The following PHIP variants were observed in gnomAD, a reference collection of about 807,000 sequenced individuals.
The protein encoded by PHIP is PH-interacting protein.
In PHIP, 54 loss-of-function variants were observed where a neutral mutation model predicts 236.8. The ratio of observed to expected loss-of-function variants is 0.23; its 90% confidence interval spans 0.18 to 0.29. The LOEUF is 0.29. PHIP is among the 10% of genes least tolerant of loss of function. The pLI is 1.00. For missense variants in PHIP, 1,370 were observed against 2,190.8 expected (o/e 0.63, Z 7.48); for synonymous variants, 756 against 718.9 (o/e 1.05, Z -0.83).
intron 15 of PHIP, among the ~76,000 whole-genome samples, chr6:79,013,940 A>T (rs1326002768): frequency 6.6e-6 from 1 of 151,598 alleles, no homozygotes; most frequent in Non-Finnish European, 1.5e-5. Flanking sequence ...AAAGCAGAAA[A>T]TATTTTTTAC....
intron 38 of PHIP, 135 bp downstream of exon 38, chr6:78,945,866 A>G (rs931540590): frequency 2.9e-6 from 2 of 681,794 alleles, no homozygotes; most frequent in African/African-American, 3.6e-5. Context: ...TTTTTAAAAT[A>G]GGAAATTAAT....
At chr6:78,979,494 G>A (rs1768360594) in intron 23 of PHIP, among the ~76,000 whole-genome samples, 1 of 151,902 alleles carries the variant, frequency 6.6e-6, no homozygotes, top group African/African-American at 2.4e-5. Flanking sequence ...GTTGAGTAGT[G>A]CAACATGTAG....
At chr6:78,987,671 G>A (rs1036794397) in intron 21 of PHIP, among the ~76,000 whole-genome samples, 7 of 152,088 alleles carry the variant, frequency 4.6e-5, no homozygotes. Context: ...GTTTATGATT[G>A]CAAATTGATT....
chr6:78,950,049 C>T (rs996497586), intron 35 of PHIP, among the ~76,000 whole-genome samples: 13 of 151,964 alleles, frequency 8.6e-5, no homozygotes, highest in East Asian at 3.8e-4. Context: ...CTCCTGTGAC[C>T]GCACTGACTT....
chr6:78,999,557 T>C (rs1346330138), intron 17 of PHIP, among the ~76,000 whole-genome samples: 2 of 152,106 alleles, frequency 1.3e-5, no homozygotes, highest in African/African-American at 4.8e-5. Context: ...TTAAAAAATA[T>C]TCACTCTTGC....
chr6:78,963,074 T>C (rs1766891805), intron 30 of PHIP, 23 bp downstream of exon 30: 3 of 1,555,088 alleles, frequency 1.9e-6, no homozygotes, highest in Non-Finnish European at 2.6e-6. Flanking sequence ...GTTTTTTCTA[T>C]ACTCGCGTGT....
At chr6:79,005,434 G>C (rs1770235644) in intron 15 of PHIP, among the ~76,000 whole-genome samples, 1 of 151,064 alleles carries the variant, frequency 6.6e-6, no homozygotes, top group Non-Finnish European at 1.5e-5. Flanking sequence ...TGTTTTCCTA[G>C]GCAAATAAAA....
intron 16 of PHIP, among the ~76,000 whole-genome samples, chr6:79,002,448 C>T (rs941017236): frequency 1.3e-5 from 2 of 151,964 alleles, no homozygotes; most frequent in African/African-American, 4.8e-5. Context: ...AATGCTGTTC[C>T]AGAAATAAAC....
In PHIP at chr6:78,969,111, C is replaced by T. The variant is rs1582129931; in HGVS notation, c.3205+724G>A. On this transcript the variant is annotated intron_variant, in intron 27 of 39. Transcript: ENST00000275034. ...AAATGGAACATGAGATGTAAATTTT[C>T]TTTCTAACTTCCATGTCCATAATTT... Among the ~76,000 whole-genome samples, 3 of 152,212 alleles carry T rather than the reference C, an allele frequency of 2.0e-5. No homozygotes were observed. In the East Asian group the frequency reaches 5.8e-4, roughly 29 times the overall value.
At chr6:79,061,514 T>C (rs908861807) in intron 4 of PHIP, among the ~76,000 whole-genome samples, 1 of 152,150 alleles carries the variant, frequency 6.6e-6, no homozygotes, top group Non-Finnish European at 1.5e-5. Context: ...GTCTCCTCTA[T>C]TAAGCCAGAT....
chr6:78,983,049 A>C lies in PHIP; in HGVS notation c.2606T>G (p.Val869Gly), dbSNP rs763753632. The C allele has an allele frequency of 6.2e-7, 1 of 1,612,258 alleles. No homozygotes were observed. The highest frequency in any genetic ancestry group is 8.5e-7 in the Non-Finnish European group (1 of 1,179,296). Residue 869 changes from valine to glycine, a missense_variant, in exon 23 of 40, where the codon GTT becomes GGT. Physicochemically the swap from Val to Gly is moderately radical, Grantham distance 109. Around this residue, in one of 14 missense-constraint regions of PHIP, gnomAD observed 76 missense variants for 76.4 expected, o/e 0.99. Transcript: ENST00000275034. Reference protein sequence around the residue: ...AGINLQPPKKVPKNKTKKAES... With the variant: ...AGINLQPPKKGPKNKTKKAES... Reference sequence around the variant, plus strand: ...TGCTTTCTTGGTTTTATTCTTAGGAACTTTCTTTGGTGGCTGCAGATTAAT... The same window carrying C: ...TGCTTTCTTGGTTTTATTCTTAGGACCTTTCTTTGGTGGCTGCAGATTAAT...
rs1773287231 is a variant in PHIP at position 78,936,831 on chromosome 6, T to C, written c.*3862A>G. The C allele has an allele frequency of 6.6e-6, 1 of 151,824 alleles. No homozygotes were observed. The highest frequency in any genetic ancestry group is 1.5e-5 in the Non-Finnish European group (1 of 67,750). The allele number at this position is 151,824 out of a possible 1,614,324, so 9.4% of individuals were successfully genotyped here. A position where few individuals can be genotyped will look rare whatever the true frequency, so the allele number is the denominator to read the frequency against. On this transcript the variant is annotated 3_prime_UTR_variant, in exon 40 of 40. Transcript: ENST00000275034. ...CATTTGGAGCAAACTTTGCTCAGTA[T>C]AATTAACAAAAATAGTTTCTTAGTA... is the stretch of plus-strand genomic sequence containing the variant.
intron 38 of PHIP, 141 bp downstream of exon 38, chr6:78,945,860 T>TA: frequency 1.5e-6 from 1 of 675,630 alleles, no homozygotes; most frequent in Non-Finnish European, 2.5e-6. Flanking sequence ...AACTTTTTTT[T>TA]AAAATAGGAA....
intron 15 of PHIP, among the ~76,000 whole-genome samples, chr6:79,012,869 G>A (rs1165449035): frequency 6.6e-6 from 1 of 151,598 alleles, no homozygotes; most frequent in African/African-American, 2.4e-5. Flanking sequence ...ACTCATAAAA[G>A]ACAGACAGGA....
intron 23 of PHIP, among the ~76,000 whole-genome samples, chr6:78,981,167 GGTTT>G: frequency 6.6e-6 from 1 of 151,806 alleles, no homozygotes; most frequent in Non-Finnish European, 1.5e-5. Flanking sequence ...CATGATTTGA[GGTTT>G]TTTTAAATAT....
intron 7 of PHIP, among the ~76,000 whole-genome samples, chr6:79,033,350 G>A (rs992056265): frequency 2.0e-5 from 3 of 152,174 alleles, no homozygotes; most frequent in East Asian, 3.8e-4. Context: ...CCTAGATGAT[G>A]TATTTTTCCA....
chr6:79,077,976 G>T, intron 1 of PHIP, 53 bp downstream of exon 1: 1 of 1,596,706 alleles, frequency 6.3e-7, no homozygotes. Context: ...GGGGGCGGGG[G>T]ACCGCGGGCG....
intron 24 of PHIP, among the ~76,000 whole-genome samples, chr6:78,974,750 C>G (rs1416910949): frequency 6.6e-6 from 1 of 151,910 alleles, no homozygotes; most frequent in Admixed American, 6.6e-5. Flanking sequence ...AACACTTCTA[C>G]GCAAATAAAC....
rs925748644 is a variant in PHIP, at chr6:79,044,739, T to C, written c.440-1736A>G. 7.2e-5 allele frequency among the ~76,000 whole-genome samples: 11 copies of C among 152,162 alleles called. No homozygotes were observed. The East Asian group carries it at 1.5e-3, about 21-fold the overall frequency. ...GAAAATATCATTGTTGGAAATAATA[T>C]ATCAAGACCCATTTCTCGATGATTA... On this transcript the variant is annotated intron_variant, in intron 6 of 39. Transcript: ENST00000275034.
Sources: allele counts gnomAD v4.1 joint callset (sites outside exome capture counted in the v4.1 genomes callset), GRCh38; gene constraint gnomAD v4.1.1; regional missense constraint gnomAD v4.1.1; transcripts MANE v1.5; gene names NCBI Gene and HGNC (gene_info 2026-07-23, HGNC 2026-07-21).